Variants in MOB3B observed in about 807,000 individuals in gnomAD.
The protein encoded by MOB3B is MOB kinase activator-like 2B.
MOB3B carries 7 observed loss-of-function variants against 18.7 expected under a neutral mutation model. That is an observed-to-expected ratio of 0.37 (90% CI 0.21 to 0.70). The LOEUF is 0.70. Ranked by LOEUF, MOB3B falls within the 30% of genes least tolerant of loss-of-function variation. MOB3B has a pLI of 0.52. For synonymous variants in MOB3B, 111 were observed against 99.9 expected (o/e 1.11, Z -0.66); for missense variants, 253 against 281.3 (o/e 0.90, Z 0.72).
At position 27,455,698 on chromosome 9, in the gene MOB3B, C is replaced by T; in HGVS notation, c.-148G>A. The T allele has an allele frequency of 6.7e-7, 1 of 1,486,554 alleles. No individual in the cohort carries two copies. Among genetic ancestry groups the T allele is most frequent in the Non-Finnish European group, 8.9e-7 (1 of 1,129,104 alleles). 92.1% of individuals were successfully genotyped at this position (1,486,554 alleles called of 1,614,324 possible). A position where few individuals can be genotyped will look rare whatever the true frequency, so the allele number is the denominator to read the frequency against. The stretch of plus-strand genomic sequence containing the variant: ...GTAGCTTTTAAGCTCTTCTAAACAG[C>T]CCCTTCCATCTTCCTCTTGAATGAT... On this transcript the variant is annotated 5_prime_UTR_variant, in exon 2 of 4. Transcript: ENST00000262244.
chr9:27,359,140 C>A lies in MOB3B; in HGVS notation c.515G>T (p.Arg172Leu), dbSNP rs899665493. 4 of 1,614,068 alleles carry A rather than the reference C, an allele frequency of 2.5e-6. No individual in the cohort carries two copies. Among genetic ancestry groups the A allele is most frequent in the Non-Finnish European group, 3.4e-6 (4 of 1,180,026 alleles). The change falls in exon 3 of 4, where the codon CGG becomes CTG. Residue 172 changes from arginine (R) to leucine (L), a missense_variant. Transcript: ENST00000262244. Reference protein sequence around the residue: ...FVHVYIHHFDRVIVMGAEAHV... With the variant: ...FVHVYIHHFDLVIVMGAEAHV... Reference sequence around the variant, plus strand: ...GGCCTCTGCACCCATCACAATGACCCGGTCGAAGTGGTGGATATAGACGTG... The same window carrying A: ...GGCCTCTGCACCCATCACAATGACCAGGTCGAAGTGGTGGATATAGACGTG...
intron 1 of MOB3B, among the ~76,000 whole-genome samples, chr9:27,485,590 A>C (rs1819719362): frequency 6.6e-6 from 1 of 152,142 alleles, no homozygotes; most frequent in African/African-American, 2.4e-5. Context: ...TTTCACTTTC[A>C]TATCGACTTT....
chr9:27,419,089 T>C (rs1232666067), intron 2 of MOB3B, among the ~76,000 whole-genome samples: 3 of 141,418 alleles, frequency 2.1e-5, no homozygotes, highest in Non-Finnish European at 4.6e-5. Flanking sequence ...CTTAGTAACA[T>C]ACCTAACCAA....
In MOB3B at chr9:27,528,152, A is replaced by G. The variant is rs2131513544; in HGVS notation, c.-199+1403T>C. Among the ~76,000 whole-genome samples, 3 of 152,322 alleles carry G rather than the reference A, an allele frequency of 2.0e-5. No individual in the cohort carries two copies. The Middle Eastern group carries it at 0.01, about 518-fold the overall frequency. ...AGTGAACCACCACACTACTATTTCCAGGCAACGTCATAAGGCTTCCTCGTT... is the reference window on the plus strand; with the variant it reads ...AGTGAACCACCACACTACTATTTCCGGGCAACGTCATAAGGCTTCCTCGTT... On this transcript the variant is annotated intron_variant, in intron 1 of 3. Transcript: ENST00000262244.
chr9:27,366,902 G>C (rs543061003), intron 2 of MOB3B, among the ~76,000 whole-genome samples: 26 of 152,140 alleles, frequency 1.7e-4, no homozygotes, highest in Admixed American at 1.7e-3. Context: ...CCCATCATCC[G>C]CAGACCCAGC....
chr9:27,377,341 C>A (rs1821503672), intron 2 of MOB3B, among the ~76,000 whole-genome samples: 1 of 152,174 alleles, frequency 6.6e-6, no homozygotes, highest in South Asian at 2.1e-4. Flanking sequence ...ATACATGAAT[C>A]TCCCAGGATG....
chr9:27,461,140 TA>T (rs1819281110), intron 1 of MOB3B, among the ~76,000 whole-genome samples: 1 of 152,238 alleles, frequency 6.6e-6, no homozygotes, highest in Admixed American at 6.5e-5. Context: ...TTTCCCACTA[TA>T]TTGTTCTCTT....
At chr9:27,415,824 G>A (rs1042741655) in intron 2 of MOB3B, among the ~76,000 whole-genome samples, 1 of 152,130 alleles carries the variant, frequency 6.6e-6, no homozygotes. Context: ...CTGTTGCTGA[G>A]GAAAATAAAA....
At chr9:27,392,474 G>A (rs574472061) in intron 2 of MOB3B, among the ~76,000 whole-genome samples, 6 of 152,136 alleles carry the variant, frequency 3.9e-5, no homozygotes, top group African/African-American at 7.2e-5. Context: ...ACATAAAGTC[G>A]CCTACGTTTA....
At chr9:27,382,627 G>T (rs966647093) in intron 2 of MOB3B, among the ~76,000 whole-genome samples, 1 of 151,926 alleles carries the variant, frequency 6.6e-6, no homozygotes, top group Non-Finnish European at 1.5e-5. Context: ...GAATTCAGTG[G>T]ACCTTGCCCT....
chr9:27,446,289 T>C (rs181231751), intron 2 of MOB3B, among the ~76,000 whole-genome samples: 1 of 152,290 alleles, frequency 6.6e-6, no homozygotes, highest in Admixed American at 6.5e-5. Flanking sequence ...ACACTTGCAC[T>C]ACAGTAGTAG....
chr9:27,525,105 C>T, intron 1 of MOB3B: 2 of 681,122 alleles, frequency 2.9e-6, no homozygotes, highest in South Asian at 4.0e-5. Flanking sequence ...GGGACACTCA[C>T]CTCTCTAAGG....
chr9:27,528,716 C>G (rs1820479964), intron 1 of MOB3B, among the ~76,000 whole-genome samples: 1 of 152,032 alleles, frequency 6.6e-6, no homozygotes, highest in Non-Finnish European at 1.5e-5. Context: ...GCCACGATCT[C>G]AGTCGGCTGC....
chr9:27,483,352 T>C (rs1165570903), intron 1 of MOB3B, among the ~76,000 whole-genome samples: 1 of 152,120 alleles, frequency 6.6e-6, no homozygotes, highest in Non-Finnish European at 1.5e-5. Flanking sequence ...CAGAATGATC[T>C]TGATCTCCTG....
At chr9:27,442,244 A>G (rs1822605620) in intron 2 of MOB3B, among the ~76,000 whole-genome samples, 1 of 152,200 alleles carries the variant, frequency 6.6e-6, no homozygotes, top group African/African-American at 2.4e-5. Flanking sequence ...AGTAATTTTT[A>G]AGAATATGAA....
chr9:27,441,230 C>T lies in MOB3B; in HGVS notation c.418+13903G>A, dbSNP rs1482775940. On this transcript the variant is annotated intron_variant, in intron 2 of 3. Transcript: ENST00000262244. The stretch of plus-strand genomic sequence containing the variant: ...GCCATAACTTTTGCAGTTTGAGAGG[C>T]AACAAGAAAATTAGCATAAATTTCT... Among the ~76,000 whole-genome samples the T allele has an allele frequency of 2.6e-5, 4 of 152,070 alleles. No homozygotes were observed. In the East Asian group the frequency reaches 7.7e-4, roughly 29 times the overall value.
chr9:27,474,595 T>G (rs7866248), intron 1 of MOB3B, among the ~76,000 whole-genome samples: 101,214 of 152,098 alleles, frequency 0.67, 37,047 homozygotes, highest in Non-Finnish European at 0.83. Context: ...ATCATTCCTG[T>G]TGCAAGACAC....
intron 3 of MOB3B, among the ~76,000 whole-genome samples, chr9:27,333,335 G>A: frequency 6.7e-6 from 1 of 150,016 alleles, no homozygotes; most frequent in East Asian, 2.0e-4. Flanking sequence ...CTTGCCCACT[G>A]GGTGGAGCCA....
At chr9:27,523,449 C>T (rs982471777) in intron 1 of MOB3B, among the ~76,000 whole-genome samples, 7 of 128,738 alleles carry the variant, frequency 5.4e-5, no homozygotes, top group Non-Finnish European at 1.2e-4. Flanking sequence ...TTTAAAAATA[C>T]TGCCTAAACT....
Sources: allele counts gnomAD v4.1 joint callset (sites outside exome capture counted in the v4.1 genomes callset), GRCh38; gene constraint gnomAD v4.1.1; transcripts MANE v1.5; gene names NCBI Gene and HGNC (gene_info 2026-07-23, HGNC 2026-07-21).